PYGL: variants seen among roughly 807,000 people sequenced by gnomAD.
PYGL encodes the protein glycogen phosphorylase L, also known as glycogen phosphorylase, liver form.
In PYGL, 90 loss-of-function variants were observed where a neutral mutation model predicts 100.1. That is an observed-to-expected ratio of 0.90 (90% CI 0.76 to 1.07). The LOEUF (loss-of-function observed/expected upper bound fraction) is 1.07, where lower values mean the gene tolerates loss of function less well. PYGL is among the 50% of genes least tolerant of loss of function. The pLI is 0.00. For synonymous variants in PYGL, 373 were observed against 393.0 expected (o/e 0.95, Z 0.60); for missense variants, 1,016 against 1,057.6 (o/e 0.96, Z 0.55).
intron 5 of PYGL, among the ~76,000 whole-genome samples, chr14:50,922,428 T>C (rs776739141): frequency 2.6e-5 from 4 of 152,208 alleles, no homozygotes; most frequent in Non-Finnish European, 5.9e-5. Flanking sequence ...CATTAAGAGA[T>C]AAAAGTCTCT....
At chr14:50,908,140 T>G (rs948821980) in intron 19 of PYGL, 131 bp downstream of exon 19, 9 of 546,504 alleles carry the variant, frequency 1.6e-5, no homozygotes, top group East Asian at 1.1e-4. Context: ...GTTTTTGTTG[T>G]TTTTTTTTTG....
rs1326875603 is a variant in PYGL at position 50,915,918 on chromosome 14, C to T, written c.1146G>A (p.Pro382=). The part of the protein sequence containing the change: ...TFAYTNHTVL[P]EALERWPVDL... ...CCACGGGCCAGCGCTCCAGGGCTTCCGGGAGCACTGTGTGGTTGGTGTAGG... is the reference window on the plus strand; with the variant it reads ...CCACGGGCCAGCGCTCCAGGGCTTCTGGGAGCACTGTGTGGTTGGTGTAGG... The change falls in exon 10 of 20, where the codon CCG becomes CCA. Residue 382 remains proline, a synonymous_variant. Coordinates refer to ENST00000216392, the MANE Select transcript of PYGL (RefSeq NM_002863.5). The T allele has an allele frequency of 7.4e-6, 12 of 1,614,128 alleles. No individual in the cohort carries two copies. Among genetic ancestry groups the T allele is most frequent in the East Asian group, 2.2e-5 (1 of 44,902 alleles).
chr14:50,908,425 G>C, intron 18 of PYGL, 88 bp from the exon 19 acceptor site: 1 of 1,239,222 alleles, frequency 8.1e-7, no homozygotes, highest in Admixed American at 1.8e-5. Flanking sequence ...ATCATCTTTT[G>C]CTTAATATCA....
intron 7 of PYGL, among the ~76,000 whole-genome samples, chr14:50,919,151 G>A (rs997285023): frequency 1.3e-5 from 2 of 152,154 alleles, no homozygotes; most frequent in African/African-American, 4.8e-5. Context: ...TACTGCAGAC[G>A]ATTATTTCCC....
chr14:50,919,128 A>T (rs1052126455), intron 7 of PYGL, among the ~76,000 whole-genome samples: 40 of 152,376 alleles, frequency 2.6e-4, no homozygotes, highest in African/African-American at 9.6e-4. Flanking sequence ...CTAACTTAGT[A>T]TATATTGTCA....
At chr14:50,931,625 G>A in intron 4 of PYGL, 48 bp downstream of exon 4, 1 of 1,484,222 alleles carries the variant, frequency 6.7e-7, no homozygotes, top group South Asian at 1.1e-5. Flanking sequence ...AGAGCACCAT[G>A]AAAGAGAAGT....
chr14:50,931,887 C>T, intron 3 of PYGL, 111 bp from the exon 4 acceptor site: 1 of 821,852 alleles, frequency 1.2e-6, no homozygotes, highest in Non-Finnish European at 2.1e-6. Context: ...TGAAGAACCA[C>T]ATTTGTATTC....
intron 5 of PYGL, chr14:50,921,324 T>C: frequency 2.0e-6 from 1 of 489,070 alleles, no homozygotes; most frequent in Non-Finnish European, 3.7e-6. Flanking sequence ...CTATGTTGAC[T>C]CTCCATGTGC....
chr14:50,909,890 C>T lies in PYGL; in HGVS notation c.2177+5G>A. On this transcript the variant is annotated splice_donor_5th_base_variant and intron_variant, in intron 17 of 19. Transcript: ENST00000216392. ...CTGCCTAGCAAAGAGAAGCTATTCTCTTACCCTTTCTTGTCCAAAGCAGCC... is the reference window on the plus strand; with the variant it reads ...CTGCCTAGCAAAGAGAAGCTATTCTTTTACCCTTTCTTGTCCAAAGCAGCC... The T allele has an allele frequency of 6.2e-7, 1 of 1,614,154 alleles. No homozygotes were observed. Among genetic ancestry groups the T allele is most frequent in the Non-Finnish European group, 8.5e-7 (1 of 1,179,990 alleles).
At chr14:50,906,193 T>C (rs1207061851) in intron 19 of PYGL, among the ~76,000 whole-genome samples, 2 of 152,186 alleles carry the variant, frequency 1.3e-5, no homozygotes, top group Non-Finnish European at 2.9e-5. Context: ...AAGAATATGA[T>C]AAGAAGGAAT....
chr14:50,911,663 A>G lies in PYGL; in HGVS notation c.1969+67T>C, dbSNP rs973078792. On this transcript the variant is annotated intron_variant, in intron 16 of 19. Coordinates refer to ENST00000216392, the MANE Select transcript of PYGL (RefSeq NM_002863.5). The stretch of plus-strand genomic sequence containing the variant: ...CTAGCTCCTGGAGGTTGGCTGCCCC[A>G]TCTTTCATACCATGTAATCTCTAGA... 5.6e-6 allele frequency: 9 copies of G among 1,593,884 alleles called. No homozygotes were observed. The African/African-American group carries it at 9.4e-5, about 17-fold the overall frequency.
intron 4 of PYGL, among the ~76,000 whole-genome samples, chr14:50,930,967 A>G (rs1228980744): frequency 1.3e-5 from 2 of 152,210 alleles, no homozygotes; most frequent in Non-Finnish European, 2.9e-5. Context: ...GTTTGATTAT[A>G]TAAAGTAAAA....
At chr14:50,915,561 G>T in intron 10 of PYGL, 62 bp from the exon 11 acceptor site, 1 of 1,594,886 alleles carries the variant, frequency 6.3e-7, no homozygotes. Flanking sequence ...TTGGGATAAC[G>T]CTGTTCATGT....
intron 12 of PYGL, among the ~76,000 whole-genome samples, chr14:50,913,581 A>G (rs1277693343): frequency 2.6e-5 from 4 of 151,966 alleles, no homozygotes; most frequent in Non-Finnish European, 4.4e-5. Context: ...TCACTGTGTT[A>G]GCCAGAATGG....
rs555408487 is a variant in PYGL, at chr14:50,909,962, C to T, written c.2110G>A (p.Ala704Thr). The change falls in exon 17 of 20, where the codon GCT becomes ACT. Residue 704 changes from alanine (A) to threonine (T), a missense_variant. Ala to Thr is a moderately conservative substitution (Grantham distance 58, BLOSUM62 0). Transcript: ENST00000216392. ...AAGATGAACAGGTTCTCTTCCCCAGCTTCTTCTGCCATTTCCACATTGGCC... is the reference window on the plus strand; with the variant it reads ...AAGATGAACAGGTTCTCTTCCCCAGTTTCTTCTGCCATTTCCACATTGGCC... Reference protein sequence around the residue: ...DGANVEMAEEAGEENLFIFGM... With the variant: ...DGANVEMAEETGEENLFIFGM... 1.1e-5 allele frequency: 17 copies of T among 1,614,222 alleles called. No homozygotes were observed. The African/African-American group carries it at 1.2e-4, about 11-fold the overall frequency.
chr14:50,916,026 C>G (rs12880129), intron 9 of PYGL, 55 bp from the exon 10 acceptor site: 1 of 1,608,136 alleles, frequency 6.2e-7, no homozygotes, highest in Non-Finnish European at 8.5e-7. Flanking sequence ...CCCCACTGCA[C>G]GGGCCAAACC....
Position 50,912,246 on chromosome 14 carries a change from G to C in PYGL, c.1678C>G (p.Pro560Ala), listed in dbSNP as rs781302826. 1 of 1,613,872 alleles carries C rather than the reference G, an allele frequency of 6.2e-7. No homozygotes were observed. Among genetic ancestry groups the C allele is most frequent in the African/African-American group, 1.3e-5 (1 of 74,918 alleles). ...ACCTGGACATCAAACATGGAGGATG[G>C]GTTGATCTTCACTTTGTACTCCGTC... ...LETEYKVKIN[P>A]SSMFDVQVKR... Residue 560 changes from proline (P) to alanine (A), a missense_variant, in exon 14 of 20, where the codon CCA becomes GCA. Transcript: ENST00000216392.
At chr14:50,909,785 T>A in intron 17 of PYGL, 110 bp downstream of exon 17, 1 of 1,250,508 alleles carries the variant, frequency 8.0e-7, no homozygotes, top group Non-Finnish European at 1.2e-6. Context: ...CCACCTCTTA[T>A]GTGATCCAAT....
intron 8 of PYGL, 96 bp downstream of exon 8, chr14:50,916,866 A>G (rs2050456614): frequency 8.3e-6 from 13 of 1,559,202 alleles, no homozygotes; most frequent in Non-Finnish European, 1.2e-5. Context: ...ATTCCTGCTC[A>G]ACGTTGTTAG....
Sources: allele counts gnomAD v4.1 joint callset (sites outside exome capture counted in the v4.1 genomes callset), GRCh38; gene constraint gnomAD v4.1.1; transcripts MANE v1.5; gene names NCBI Gene and HGNC (gene_info 2026-07-23, HGNC 2026-07-21).